MTOR: variants seen among roughly 807,000 people sequenced by gnomAD.
MTOR encodes the protein serine/threonine-protein kinase mTOR.
MTOR carries 70 observed loss-of-function variants against 319.8 expected under a neutral mutation model. That is an observed-to-expected ratio of 0.22 (90% CI 0.18 to 0.27). MTOR has a LOEUF of 0.27. MTOR is among the 10% of genes least tolerant of loss of function. MTOR has a pLI of 1.00. For synonymous variants in MTOR, 1,183 were observed against 1,211.4 expected (o/e 0.98, Z 0.49); for missense variants, 1,890 against 3,274.4 (o/e 0.58, Z 10.32).
At chr1:11,132,596 TTTCTAA>T (rs1304631183) in intron 38 of MTOR, 3 of 153,364 alleles carry the variant, frequency 2.0e-5, no homozygotes, top group African/African-American at 4.8e-5. Context: ...TTTTATATAT[TTTCTAA>T]TTCTGTTTAT....
In MTOR at chr1:11,234,227, G is replaced by C. The variant is rs757090752; in HGVS notation, c.2247C>G (p.Ile749Met). 5 of 1,613,908 alleles carry C rather than the reference G, an allele frequency of 3.1e-6. No individual in the cohort carries two copies. The highest frequency in any genetic ancestry group is 3.4e-6 in the Non-Finnish European group (4 of 1,180,008). ...CCAGCATGCGGGCACTCTGCTCTTT[G>C]ATTCTTCCAATCCCACTGTGCTCCA... ...TELEHSGIGR[I>M]KEQSARMLGH... Residue 749 changes from isoleucine to methionine, a missense_variant, in exon 14 of 58, where the codon ATC becomes ATG. Ile to Met is a conservative substitution (Grantham distance 10). Transcript: ENST00000361445.
At chr1:11,193,809 A>G in intron 28 of MTOR, 1 of 1,609,102 alleles carries the variant, frequency 6.2e-7, no homozygotes, top group South Asian at 1.1e-5. Context: ...TGACTGGACC[A>G]GTGCCACCAC....
intron 28 of MTOR, among the ~76,000 whole-genome samples, chr1:11,171,767 GCTCATGCCTGTAAT>G (rs1424487417): frequency 1.3e-5 from 2 of 152,042 alleles, no homozygotes; most frequent in Non-Finnish European, 2.9e-5. Flanking sequence ...AGGCACGGTG[GCTCATGCCTGTAAT>G]TCCAGAGCTT....
chr1:11,170,680 CTT>C (rs774656512), intron 28 of MTOR, among the ~76,000 whole-genome samples: 2 of 142,784 alleles, frequency 1.4e-5, no homozygotes, highest in Non-Finnish European at 3.1e-5. Flanking sequence ...CTATCCTTTT[CTT>C]TTTTTTTTTT....
rs769976479 is a variant in MTOR, at chr1:11,124,653, C to A, written c.6527-20G>T. 1 of 1,599,810 alleles carries A rather than the reference C, an allele frequency of 6.3e-7. No homozygotes were observed. The highest frequency in any genetic ancestry group is 8.6e-7 in the Non-Finnish European group (1 of 1,168,034). On this transcript the variant is annotated intron_variant, in intron 46 of 57. Coordinates refer to ENST00000361445, the MANE Select transcript of MTOR (RefSeq NM_004958.4). ...TGCTGCCTGTAAGGAACAGTGGGAGCGGTGAGTGTACATCAGAGGTCCTCA... is the reference window on the plus strand; with the variant it reads ...TGCTGCCTGTAAGGAACAGTGGGAGAGGTGAGTGTACATCAGAGGTCCTCA...
At chr1:11,183,857 T>C (rs1023174602) in intron 28 of MTOR, among the ~76,000 whole-genome samples, 1 of 152,246 alleles carries the variant, frequency 6.6e-6, no homozygotes, top group Admixed American at 6.5e-5. Flanking sequence ...GCTACTGAGC[T>C]GACTTAGCAG....
chr1:11,172,092 C>A (rs941587796), intron 28 of MTOR, among the ~76,000 whole-genome samples: 6 of 150,580 alleles, frequency 4.0e-5, no homozygotes, highest in South Asian at 2.1e-4. Flanking sequence ...TATTTCCCAT[C>A]TGAATGTGTG....
Position 11,109,678 on chromosome 1 carries a change from G to T in MTOR, c.7418C>A (p.Thr2473Asn). ...AGAATGAATAGATTCTGGCACTGTG[G>T]TCCCCGTTTTCTTATGGGCTGGCTC... The part of the protein sequence containing the change: ...LGEPAHKKTG[T>N]TVPESIHSFI... Residue 2473 changes from threonine (T) to asparagine (N), a missense_variant, in exon 55 of 58, where the codon ACC (threonine) becomes AAC (asparagine). By Grantham distance (65) the Thr-to-Asn change is moderately conservative. Around this residue, in one of 15 missense-constraint regions of MTOR, gnomAD observed 49 missense variants for 67.6 expected, o/e 0.72. Transcript: ENST00000361445. This position sits in a 1 kb window ranked among gnomAD's most constrained non-coding sequence, Gnocchi z 4.0. The T allele has an allele frequency of 6.2e-7, 1 of 1,614,080 alleles. No individual in the cohort carries two copies. The highest frequency in any genetic ancestry group is 8.5e-7 in the Non-Finnish European group (1 of 1,179,996).
rs535260767 is a variant in MTOR, at chr1:11,118,441, T to G, written c.6934-1355A>C. On this transcript the variant is annotated intron_variant, in intron 49 of 57. Transcript: ENST00000361445. ...TAGTAGAGACAGGGTTTCACCACGTTGGTCAGGCTGGTCTTGAACTCCTGA... is the reference window on the plus strand; with the variant it reads ...TAGTAGAGACAGGGTTTCACCACGTGGGTCAGGCTGGTCTTGAACTCCTGA... Among the ~76,000 whole-genome samples the G allele has an allele frequency of 4.1e-3, 628 of 151,686 alleles. 4 individuals are homozygous for G. Among genetic ancestry groups the G allele is most frequent in the African/African-American group, 0.014 (600 of 41,400 alleles).
Position 11,247,930 on chromosome 1 carries a change from C to A in MTOR, c.1005G>T (p.Gly335=), listed in dbSNP as rs974185961. 1 of 1,614,174 alleles carries A rather than the reference C, an allele frequency of 6.2e-7. No individual in the cohort carries two copies. ...QQSNALVGLL[G]YSSHQGLMGF... ...CCATGAGGCCTTGGTGAGAGCTGTA[C>A]CCCAGCAGCCCCACCAAGGCATTTG... The change falls in exon 7 of 58, where the codon GGG becomes GGT. Residue 335 remains glycine, a synonymous_variant. Coordinates refer to ENST00000361445, the MANE Select transcript of MTOR (RefSeq NM_004958.4).
intron 28 of MTOR, among the ~76,000 whole-genome samples, chr1:11,179,056 A>G (rs185504276): frequency 6.2e-4 from 94 of 152,298 alleles, no homozygotes; most frequent in African/African-American, 2.2e-3. Context: ...TTGGTAATGG[A>G]TGCCTCATGG....
chr1:11,140,721 ATAAAT>A (rs1287768770), intron 34 of MTOR, among the ~76,000 whole-genome samples: 1 of 152,246 alleles, frequency 6.6e-6, no homozygotes, highest in Non-Finnish European at 1.5e-5. Context: ...TGAGGATTAA[ATAAAT>A]TAAATGATTG....
chr1:11,111,847 C>A (rs1448776778), intron 54 of MTOR: 1 of 151,998 alleles, frequency 6.6e-6, no homozygotes, highest in East Asian at 1.9e-4. Context: ...AACAGTAATT[C>A]CCAAAGTATG....
intron 29 of MTOR, among the ~76,000 whole-genome samples, chr1:11,157,602 C>A (rs565374162): frequency 6.6e-6 from 1 of 152,252 alleles, no homozygotes; most frequent in East Asian, 1.9e-4. Context: ...CCAGGATGTG[C>A]GGACACGAGG....
At chr1:11,247,481 A>G (rs1029024451) in intron 8 of MTOR, 144 bp downstream of exon 8, 2 of 698,310 alleles carry the variant, frequency 2.9e-6, no homozygotes, top group Admixed American at 2.5e-5. Context: ...ACCTGAACTA[A>G]ATAGCATTGA....
chr1:11,113,142 C>T (rs1641983075), intron 53 of MTOR, among the ~76,000 whole-genome samples: 2 of 152,164 alleles, frequency 1.3e-5, no homozygotes, highest in Non-Finnish European at 2.9e-5. Context: ...CAATGTAATA[C>T]AGATAATATA....
chr1:11,239,064 G>A (rs1290727463), intron 11 of MTOR, among the ~76,000 whole-genome samples: 5 of 152,036 alleles, frequency 3.3e-5, no homozygotes, highest in Non-Finnish European at 4.4e-5. Flanking sequence ...GTAAGCCACC[G>A]CGCCAGGCCT....
intron 54 of MTOR, among the ~76,000 whole-genome samples, chr1:11,110,055 T>C (rs1445066456): frequency 1.3e-5 from 2 of 152,094 alleles, no homozygotes; most frequent in African/African-American, 2.4e-5. Context: ...TTAATAATTA[T>C]TGAAAAAATT....
rs185470535 is a variant in MTOR, at chr1:11,115,387, T to C, written c.7089+9A>G. On this transcript the variant is annotated intron_variant, in intron 51 of 57. Transcript: ENST00000361445. This position sits in a 1 kb window ranked among gnomAD's most constrained non-coding sequence, Gnocchi z 4.5. ...AAGATGAGGTTGGGGTTCTAGAACA[T>C]GTGTTCACCTCAAAGCAGTCCCCAA... The C allele has an allele frequency of 1.7e-4, 267 of 1,613,754 alleles. 2 individuals are homozygous for C. In the African/African-American group the frequency reaches 3.3e-3, roughly 20 times the overall value.
Sources: allele counts gnomAD v4.1 joint callset (sites outside exome capture counted in the v4.1 genomes callset), GRCh38; gene constraint gnomAD v4.1.1; regional missense constraint gnomAD v4.1.1; non-coding constraint Gnocchi (gnomAD v3.1); transcripts MANE v1.5; gene names NCBI Gene and HGNC (gene_info 2026-07-23, HGNC 2026-07-21).